The following AP2A1 variants were observed in gnomAD, a reference collection of about 807,000 sequenced individuals.
AP2A1 encodes the protein AP-2 complex subunit alpha-1.
A neutral mutation model predicts 107.3 loss-of-function variants in AP2A1; 21 were observed. The ratio of observed to expected loss-of-function variants is 0.20; its 90% confidence interval spans 0.14 to 0.28. The LOEUF (loss-of-function observed/expected upper bound fraction) is 0.28, where lower values mean the gene tolerates loss of function less well. Ranked by LOEUF, AP2A1 falls within the 10% of genes least tolerant of loss-of-function variation. The pLI is 1.00. For missense variants in AP2A1, 873 were observed against 1,307.7 expected, an observed-to-expected ratio of 0.67 and a Z score of 5.13; for synonymous variants, 602 against 564.8, an observed-to-expected ratio of 1.07 and a Z score of -0.93.
At chr19:49,799,922 C>T (rs1448403777) in intron 10 of AP2A1, 46 bp from the exon 11 acceptor site, 3 of 1,599,510 alleles carry the variant, frequency 1.9e-6, no homozygotes, top group Admixed American at 3.4e-5. Context: ...GAGTGAAAGC[C>T]CGACATGGCC....
chr19:49,806,545 G>T (rs2123774854), intron 22 of AP2A1, 136 bp from the exon 23 acceptor site: 1 of 1,479,690 alleles, frequency 6.8e-7, no homozygotes. Context: ...GTTGATTTCA[G>T]TCTTACATTT....
rs2073099816 is a variant in AP2A1 at position 49,788,361 on chromosome 19, A to T, written c.474-3574A>T. ...TTAACCAAGTTGATAAATAGCTCTT[A>T]TTCCTTTGTGTGGTATCCTTATCTG... On this transcript the variant is annotated intron_variant, in intron 4 of 22. Transcript: ENST00000354293. The surrounding 1 kb of genome is among the most constrained non-coding windows in gnomAD (Gnocchi z 4.5). Among the ~76,000 whole-genome samples, 1 of 152,232 alleles carries T rather than the reference A, an allele frequency of 6.6e-6. No homozygotes were observed. The highest frequency in any genetic ancestry group is 2.4e-5 in the African/African-American group (1 of 41,456).
At chr19:49,805,310 C>A in intron 18 of AP2A1, 143 bp from the exon 19 acceptor site, 2 of 1,018,008 alleles carry the variant, frequency 2.0e-6, no homozygotes, top group Non-Finnish European at 2.7e-6. Flanking sequence ...TGTAGTTGAA[C>A]CTTGTAGGAT....
At chr19:49,783,296 C>G (rs949216181) in intron 4 of AP2A1, among the ~76,000 whole-genome samples, 1 of 152,130 alleles carries the variant, frequency 6.6e-6, no homozygotes, top group African/African-American at 2.4e-5. Context: ...TGAGACCAGC[C>G]TGGGCAACAT....
At chr19:49,806,653 G>C (rs1306299654) in intron 22 of AP2A1, 28 bp from the exon 23 acceptor site, 2 of 1,611,696 alleles carry the variant, frequency 1.2e-6, no homozygotes, top group South Asian at 1.1e-5. Flanking sequence ...CATCTCCTCT[G>C]AGTTCTGCCC....
intron 1 of AP2A1, among the ~76,000 whole-genome samples, chr19:49,770,932 A>G (rs536819358): frequency 6.6e-6 from 1 of 152,024 alleles, no homozygotes; most frequent in South Asian, 2.1e-4. Context: ...GCTTACTGCA[A>G]CCTCTGCCTC....
chr19:49,787,338 G>GTTTTTTTTTTTTTTTTTTT (rs1418425703), intron 4 of AP2A1, among the ~76,000 whole-genome samples: 4 of 89,732 alleles, frequency 4.5e-5, no homozygotes, highest in African/African-American at 9.9e-5. Context: ...TTTTTTGTTT[G>GTTTTTTTTTTTTTTTTTTT]TTTTTTTTGT....
intron 6 of AP2A1, among the ~76,000 whole-genome samples, chr19:49,794,932 G>A (rs979965749): frequency 6.6e-6 from 1 of 152,162 alleles, no homozygotes; most frequent in Non-Finnish European, 1.5e-5. Context: ...CAAAGTGCTG[G>A]GATTACAGGC....
chr19:49,793,687 A>C (rs539976003), intron 6 of AP2A1, among the ~76,000 whole-genome samples: 4 of 152,172 alleles, frequency 2.6e-5, no homozygotes, highest in African/African-American at 9.6e-5. Context: ...AGATTGTCAG[A>C]AAAGGGGTGA....
chr19:49,792,440 TC>T (rs1384968555), intron 5 of AP2A1, among the ~76,000 whole-genome samples: 2 of 151,160 alleles, frequency 1.3e-5, no homozygotes, highest in Admixed American at 6.6e-5. Context: ...TCCTGGAGCT[TC>T]CCCCTCGGCG....
At chr19:49,769,946 G>T (rs1246973031) in intron 1 of AP2A1, among the ~76,000 whole-genome samples, 1 of 152,034 alleles carries the variant, frequency 6.6e-6, no homozygotes, top group Admixed American at 6.6e-5. Flanking sequence ...ATACCTCACT[G>T]CAACCTCCGC....
Position 49,805,567 on chromosome 19 carries a change from T to C in AP2A1, c.2459T>C (p.Val820Ala). 1 of 1,577,416 alleles carries C rather than the reference T, an allele frequency of 6.3e-7. No individual in the cohort carries two copies. The highest frequency in any genetic ancestry group is 1.2e-5 in the South Asian group (1 of 86,560). The stretch of plus-strand genomic sequence containing the variant: ...TTCCTGACGCCCCCGCTGCTGTCCG[T>C]GCGCTTCCGGTGAGTCAGGTACGGC... ...RDFLTPPLLS[V>A]RFRYGGAPQA... The change falls in exon 19 of 23, where the codon GTG (valine) becomes GCG (alanine). Residue 820 changes from valine to alanine, a missense_variant. By Grantham distance (64) the Val-to-Ala change is moderately conservative (BLOSUM62 0). Around this residue, in one of 4 missense-constraint regions of AP2A1, gnomAD observed 416 missense variants for 473.4 expected, o/e 0.88. Coordinates refer to ENST00000354293, the MANE Select transcript of AP2A1 (RefSeq NM_130787.3).
intron 22 of AP2A1, 165 bp from the exon 23 acceptor site, chr19:49,806,516 C>A: frequency 6.9e-7 from 1 of 1,442,624 alleles, no homozygotes; most frequent in Non-Finnish European, 9.1e-7. Context: ...TTATAATTTT[C>A]TTCCTCTCTG....
intron 1 of AP2A1, among the ~76,000 whole-genome samples, chr19:49,772,472 C>G (rs1238558839): frequency 6.7e-6 from 1 of 149,216 alleles, no homozygotes; most frequent in Admixed American, 6.7e-5. Context: ...GGCTCAGTGC[C>G]TGGCCCCCTT....
In AP2A1 at chr19:49,805,346, C is replaced by A. The variant is rs16981454; in HGVS notation, c.2345-107C>A. ...TGAGTCCAGGATTGCACCATGGGGTCCCTCAAAGACCTGCAGGCGGGAGCT... is the reference window on the plus strand; with the variant it reads ...TGAGTCCAGGATTGCACCATGGGGTACCTCAAAGACCTGCAGGCGGGAGCT... On this transcript the variant is annotated intron_variant, in intron 18 of 22. Transcript: ENST00000354293. The A allele has an allele frequency of 8.7e-3, 11,087 of 1,271,730 alleles. 436 individuals are homozygous for A. The East Asian group carries it at 0.11, about 13-fold the overall frequency. The allele number at this position is 1,271,730 out of a possible 1,614,324, so 78.8% of individuals were successfully genotyped here.
At position 49,805,474 on chromosome 19, in the gene AP2A1, G is replaced by A. The variant is rs1233000167; in HGVS notation, c.2366G>A (p.Arg789His). 2 of 1,550,170 alleles carry A rather than the reference G, an allele frequency of 1.3e-6. No homozygotes were observed. Among genetic ancestry groups the A allele is most frequent in the East Asian group, 4.9e-5 (2 of 41,080 alleles). Residue 789 changes from arginine (R) to histidine (H), a missense_variant, in exon 19 of 23, where the codon CGC becomes CAC. By Grantham distance (29) the Arg-to-His change is conservative. Coordinates refer to ENST00000354293, the MANE Select transcript of AP2A1 (RefSeq NM_130787.3). ...LQTQLAVQTK[R>H]VAAQVDGGAQ... ...GCACAGCTGGCTGTGCAGACCAAGC[G>A]CGTGGCGGCGCAGGTGGACGGCGGC... is the stretch of plus-strand genomic sequence containing the variant.
At chr19:49,776,159 C>T (rs1397843235) in intron 1 of AP2A1, among the ~76,000 whole-genome samples, 1 of 152,034 alleles carries the variant, frequency 6.6e-6, no homozygotes, top group African/African-American at 2.4e-5. Flanking sequence ...GGAGAGGCTG[C>T]GTGGTCTGGC....
intron 15 of AP2A1, 26 bp from the exon 16 acceptor site, chr19:49,802,923 C>T (rs1280283822): frequency 6.2e-7 from 1 of 1,609,370 alleles, no homozygotes. Context: ...AGTTCCTTCC[C>T]ATCTCACTCT....
chr19:49,784,751 T>C (rs573633622), intron 4 of AP2A1, among the ~76,000 whole-genome samples: 8 of 151,802 alleles, frequency 5.3e-5, no homozygotes, highest in Admixed American at 2.6e-4. Context: ...TGTGCCTGGG[T>C]AGTCCATCCA....
Sources: gnomAD v4.1 joint callset for allele counts (sites outside exome capture counted in the v4.1 genomes callset) on GRCh38, gnomAD v4.1.1 for gene constraint, gnomAD v4.1.1 regional missense constraint, Gnocchi (gnomAD v3.1) non-coding constraint, MANE v1.5 for transcripts, NCBI Gene and HGNC (gene_info 2026-07-23, HGNC 2026-07-21) for gene names.